Variants in CEMIP2 observed in about 807,000 individuals in gnomAD.
CEMIP2 encodes the protein cell migration inducing hyaluronidase 2.
A neutral mutation model predicts 146.9 loss-of-function variants in CEMIP2; 79 were observed. The ratio of observed to expected loss-of-function variants is 0.54; its 90% confidence interval spans 0.45 to 0.65. The LOEUF is 0.65. CEMIP2 is among the 30% of genes least tolerant of loss of function. The pLI is 0.00. For missense variants in CEMIP2, 1,596 were observed against 1,696.2 expected, an observed-to-expected ratio of 0.94 and a Z score of 1.04; for synonymous variants, 601 against 606.3, an observed-to-expected ratio of 0.99 and a Z score of 0.13.
At chr9:71,702,057 A>G (rs533289878) in intron 18 of CEMIP2, among the ~76,000 whole-genome samples, 62 of 152,280 alleles carry the variant, frequency 4.1e-4, no homozygotes, top group African/African-American at 1.5e-3. Context: ...CATGAGTTCA[A>G]GACCAGCCCG....
rs546704130 is a variant in CEMIP2, at chr9:71,694,285, C to T, written c.3696+224G>A. ...CTACAGGCACCCACCCGCCTCTACG[C>T]CCAGCTAATTTTTTGTATTTTTAGT... On this transcript the variant is annotated intron_variant, in intron 21 of 23. Coordinates refer to ENST00000377044, the MANE Select transcript of CEMIP2 (RefSeq NM_013390.3). Among the ~76,000 whole-genome samples, 91 of 152,028 alleles carry T rather than the reference C, an allele frequency of 6.0e-4. 1 individual carries two copies. Among genetic ancestry groups the T allele is most frequent in the African/African-American group, 2.1e-3 (89 of 41,476 alleles).
intron 15 of CEMIP2, chr9:71,712,471 A>G: frequency 1.9e-6 from 1 of 539,066 alleles, no homozygotes; most frequent in South Asian, 2.6e-5. Context: ...TCAGAAAATA[A>G]GTGCTATAGA....
chr9:71,761,864 C>T (rs915859565), intron 1 of CEMIP2, among the ~76,000 whole-genome samples: 1 of 152,080 alleles, frequency 6.6e-6, no homozygotes, highest in South Asian at 2.1e-4. Flanking sequence ...TTATTAAATC[C>T]CTATGAATGG....
intron 1 of CEMIP2, among the ~76,000 whole-genome samples, chr9:71,764,630 C>T (rs529516296): frequency 3.3e-5 from 5 of 152,000 alleles, no homozygotes; most frequent in Non-Finnish European, 7.4e-5. Flanking sequence ...TTCATTACCC[C>T]CCTCCCCACC....
intron 22 of CEMIP2, among the ~76,000 whole-genome samples, chr9:71,687,684 T>C (rs1026685166): frequency 1.3e-5 from 2 of 151,692 alleles, no homozygotes; most frequent in Non-Finnish European, 2.9e-5. Flanking sequence ...AGAAAAATAA[T>C]AAAATTAAAA....
intron 1 of CEMIP2, among the ~76,000 whole-genome samples, chr9:71,764,146 T>G (rs899770775): frequency 6.6e-6 from 1 of 152,192 alleles, no homozygotes; most frequent in South Asian, 2.1e-4. Context: ...AATGTGCACA[T>G]CTACAGTACT....
rs185981513 is a variant in CEMIP2, at chr9:71,737,389, C to T, written c.1205-2395G>A. Among the ~76,000 whole-genome samples the T allele has an allele frequency of 9.2e-5, 13 of 141,972 alleles. No individual in the cohort carries two copies. The East Asian group carries it at 1.0e-3, about 11-fold the overall frequency. 93.1% of individuals were successfully genotyped at this position (141,972 alleles called of 152,430 possible). On this transcript the variant is annotated intron_variant, in intron 5 of 23. Transcript: ENST00000377044. ...ATCGCTTGAACCCTAGCCTGGGTGA[C>T]AGAGCGAGACTCCGTCTCAAAAAAA...
At chr9:71,723,350 G>T (rs1056088354) in intron 11 of CEMIP2, among the ~76,000 whole-genome samples, 9 of 97,204 alleles carry the variant, frequency 9.3e-5, no homozygotes, top group Non-Finnish European at 1.9e-4. Flanking sequence ...GATTGAAAGA[G>T]AATTTAAAAA....
rs370007297 is a variant in CEMIP2 at position 71,692,001 on chromosome 9, C to T, written c.3697-1755G>A. Reference sequence around the variant, plus strand: ...CCTAGCACCTGTAATCCCAGTTACTCGGGAGGCTGAGGCTGGAGAATCTCT... The same window carrying T: ...CCTAGCACCTGTAATCCCAGTTACTTGGGAGGCTGAGGCTGGAGAATCTCT... On this transcript the variant is annotated intron_variant, in intron 21 of 23. Coordinates refer to ENST00000377044, the MANE Select transcript of CEMIP2 (RefSeq NM_013390.3). 3.6e-4 allele frequency among the ~76,000 whole-genome samples: 54 copies of T among 151,394 alleles called. 1 individual carries two copies. The South Asian group carries it at 8.2e-3, about 23-fold the overall frequency.
intron 7 of CEMIP2, chr9:71,731,117 T>C (rs2131968676): frequency 3.4e-6 from 2 of 592,138 alleles, no homozygotes; most frequent in Non-Finnish European, 6.0e-6. Flanking sequence ...GCCACAAAAA[T>C]AGCCTCCAAT....
intron 22 of CEMIP2, among the ~76,000 whole-genome samples, chr9:71,689,070 G>A (rs2131849716): frequency 1.3e-5 from 2 of 152,280 alleles, no homozygotes; most frequent in Non-Finnish European, 2.9e-5. Flanking sequence ...AAATACTTGT[G>A]GTGAGATTTA....
chr9:71,744,966 C>T, intron 4 of CEMIP2, 52 bp downstream of exon 4: 1 of 1,553,422 alleles, frequency 6.4e-7, no homozygotes, highest in East Asian at 2.3e-5. Context: ...CCTCACTCTC[C>T]TCTCACACAG....
intron 2 of CEMIP2, 83 bp from the exon 3 acceptor site, chr9:71,746,424 C>T: frequency 1.3e-6 from 2 of 1,511,622 alleles, no homozygotes; most frequent in Non-Finnish European, 9.0e-7. Flanking sequence ...TTATTTACTG[C>T]AGATCTGCAA....
In CEMIP2 at chr9:71,741,742, G is replaced by A. The variant is rs148513899; in HGVS notation, c.1035-1510C>T. Among the ~76,000 whole-genome samples the A allele has an allele frequency of 4.9e-3, 706 of 145,316 alleles. 12 individuals carry two copies. Among genetic ancestry groups the A allele is most frequent in the African/African-American group, 0.017 (661 of 39,596 alleles). Reference sequence around the variant, plus strand: ...CAACCTCCACCTCTGGGGTTCAAGCGATTCTCCTGCCTTAGCCTCCCAAGT... The same window carrying A: ...CAACCTCCACCTCTGGGGTTCAAGCAATTCTCCTGCCTTAGCCTCCCAAGT... On this transcript the variant is annotated intron_variant, in intron 4 of 23. Transcript: ENST00000377044.
chr9:71,715,625 G>GATTATATAT (rs1554682973), intron 14 of CEMIP2, among the ~76,000 whole-genome samples: 1 of 119,068 alleles, frequency 8.4e-6, no homozygotes, highest in East Asian at 2.7e-4. Context: ...TCCCTCTTAA[G>GATTATATAT]ATATATATAT....
At chr9:71,721,069 C>G (rs1392497012) in intron 12 of CEMIP2, among the ~76,000 whole-genome samples, 1 of 151,960 alleles carries the variant, frequency 6.6e-6, no homozygotes, top group African/African-American at 2.4e-5. Context: ...TATACACATA[C>G]ACATTACTAT....
At chr9:71,707,082 C>T (rs1471815601) in intron 17 of CEMIP2, among the ~76,000 whole-genome samples, 1 of 152,188 alleles carries the variant, frequency 6.6e-6, no homozygotes, top group African/African-American at 2.4e-5. Context: ...CCTGCCTCAA[C>T]CTCCCAAAGT....
At chr9:71,699,540 C>T (rs1822498987) in intron 19 of CEMIP2, 1 of 340,456 alleles carries the variant, frequency 2.9e-6, no homozygotes, top group South Asian at 2.4e-5. Flanking sequence ...AAGCTGATAA[C>T]ACTGGCTGGT....
In CEMIP2 at chr9:71,700,751, G is replaced by A. The variant is rs372405584; in HGVS notation, c.3268C>T (p.Arg1090Trp). 56 of 1,613,912 alleles carry A rather than the reference G, an allele frequency of 3.5e-5. No homozygotes were observed. Among genetic ancestry groups the A allele is most frequent in the South Asian group, 4.4e-5 (4 of 91,064 alleles). Reference protein sequence around the residue: ...SFQVTFGYLQRQNGSLSKIEE... With the variant: ...SFQVTFGYLQWQNGSLSKIEE... Reference sequence around the variant, plus strand: ...ATTTTGGATAATGAGCCATTCTGCCGCTGCAAATAGCCAAAGGTAACTTGA... The same window carrying A: ...ATTTTGGATAATGAGCCATTCTGCCACTGCAAATAGCCAAAGGTAACTTGA... The change falls in exon 19 of 24, where the codon CGG becomes TGG. Residue 1090 changes from arginine to tryptophan, a missense_variant. Transcript: ENST00000377044.
Sources: gnomAD v4.1 joint callset for allele counts (sites outside exome capture counted in the v4.1 genomes callset) on GRCh38, gnomAD v4.1.1 for gene constraint, MANE v1.5 for transcripts, NCBI Gene and HGNC (gene_info 2026-07-23, HGNC 2026-07-21) for gene names.